TRAF3IP1: variants seen among roughly 807,000 people sequenced by gnomAD.
TRAF3IP1 encodes the protein intraflagellar transport 54.
A neutral mutation model predicts 89.9 loss-of-function variants in TRAF3IP1; 53 were observed. That is an observed-to-expected ratio of 0.59 (90% CI 0.47 to 0.74). The LOEUF is 0.74. Ranked by LOEUF, TRAF3IP1 falls within the 30% of genes least tolerant of loss-of-function variation. The probability of loss-of-function intolerance (pLI) is 0.00; values close to 1 mark genes in which losing one functional copy is unlikely to be tolerated. For missense variants in TRAF3IP1, 806 were observed against 866.1 expected (o/e 0.93, Z 0.87); for synonymous variants, 311 against 322.1 (o/e 0.97, Z 0.37).
At chr2:238,363,770 G>A (rs554346966) in intron 15 of TRAF3IP1, among the ~76,000 whole-genome samples, 1 of 152,256 alleles carries the variant, frequency 6.6e-6, no homozygotes, top group East Asian at 1.9e-4. Flanking sequence ...GACTAGCCTG[G>A]CCAACACAGT....
At chr2:238,397,203 C>T (rs768702960) in intron 15 of TRAF3IP1, among the ~76,000 whole-genome samples, 3 of 152,196 alleles carry the variant, frequency 2.0e-5, no homozygotes, top group Admixed American at 2.0e-4. Flanking sequence ...TAAAGACAGA[C>T]CCCCATCCCC....
At chr2:238,373,705 T>G (rs1235052935) in intron 15 of TRAF3IP1, among the ~76,000 whole-genome samples, 1 of 152,206 alleles carries the variant, frequency 6.6e-6, no homozygotes, top group East Asian at 1.9e-4. Flanking sequence ...TGGCATTGAA[T>G]CTATAAATTA....
chr2:238,338,312 C>T (rs1404673071), intron 7 of TRAF3IP1, 50 bp from the exon 8 acceptor site: 2 of 1,185,254 alleles, frequency 1.7e-6, no homozygotes, highest in Non-Finnish European at 2.4e-6. Context: ...AACAACCAAA[C>T]ACAAAATCTT....
chr2:238,336,313 C>T lies in TRAF3IP1; in HGVS notation c.1064-2049C>T, dbSNP rs1698388658. 1.3e-5 allele frequency among the ~76,000 whole-genome samples: 2 copies of T among 152,140 alleles called. 1 individual carries two copies. Among genetic ancestry groups the T allele is most frequent in the South Asian group, 4.1e-4 (2 of 4,828 alleles). On this transcript the variant is annotated intron_variant, in intron 7 of 16. Coordinates refer to ENST00000373327, the MANE Select transcript of TRAF3IP1 (RefSeq NM_015650.4). ...GAGCTTCCCTGAGCTATCAACAGCT[C>T]AGTGGACTCCTGTCTTCCCCTCCTG...
At chr2:238,354,591 C>G (rs1699318688) in intron 14 of TRAF3IP1, among the ~76,000 whole-genome samples, 1 of 152,088 alleles carries the variant, frequency 6.6e-6, no homozygotes, top group Non-Finnish European at 1.5e-5. Flanking sequence ...TGGTTTTTAA[C>G]AACAATAGGA....
chr2:238,362,302 G>GT (rs564003360), intron 15 of TRAF3IP1, among the ~76,000 whole-genome samples: 32 of 148,372 alleles, frequency 2.2e-4, no homozygotes, highest in Admixed American at 4.0e-4. Context: ...CCATTTTTCT[G>GT]TTTTTTCTTT....
intron 7 of TRAF3IP1, 152 bp from the exon 8 acceptor site, chr2:238,338,210 G>C (rs976433762): frequency 4.0e-6 from 2 of 499,318 alleles, no homozygotes; most frequent in Non-Finnish European, 7.2e-6. Context: ...CTAAGGAGGG[G>C]AATCATGTGG....
chr2:238,398,821 C>G lies in TRAF3IP1; in HGVS notation c.1978C>G (p.Gln660Glu). The stretch of plus-strand genomic sequence containing the variant: ...GGAGCTGGAGCAGCTGATCAAAGAC[C>G]AGCAAGACAAGATCTGTGCTGTGAA... ...LAELEQLIKDQQDKICAVKAN... is the reference protein window; with the variant it reads ...LAELEQLIKDEQDKICAVKAN... Residue 660 changes from glutamine to glutamate, a missense_variant, in exon 17 of 17, where the codon CAG becomes GAG. Transcript: ENST00000373327. 2 of 1,613,388 alleles carry G rather than the reference C, an allele frequency of 1.2e-6. No homozygotes were observed. The highest frequency in any genetic ancestry group is 2.2e-5 in the South Asian group (2 of 90,972).
At chr2:238,391,469 C>T (rs114971998) in intron 15 of TRAF3IP1, among the ~76,000 whole-genome samples, 5 of 152,198 alleles carry the variant, frequency 3.3e-5, no homozygotes, top group Admixed American at 6.5e-5. Context: ...CGGCTTGATG[C>T]GTTCACGCTG....
chr2:238,374,689 G>A (rs1415510267), intron 15 of TRAF3IP1, among the ~76,000 whole-genome samples: 1 of 152,210 alleles, frequency 6.6e-6, no homozygotes, highest in Non-Finnish European at 1.5e-5. Flanking sequence ...GATTGGAATA[G>A]TTTCAGAAGG....
intron 3 of TRAF3IP1, among the ~76,000 whole-genome samples, 159 bp from the exon 4 acceptor site, chr2:238,328,527 A>G (rs762398069): frequency 7.2e-5 from 11 of 152,212 alleles, no homozygotes; most frequent in Non-Finnish European, 1.3e-4. Flanking sequence ...TGTGCTTTGT[A>G]TGTGATAATA....
At chr2:238,352,747 C>T (rs1235667178) in intron 12 of TRAF3IP1, 80 bp from the exon 13 acceptor site, 1 of 1,406,380 alleles carries the variant, frequency 7.1e-7, no homozygotes, top group Non-Finnish European at 9.7e-7. Context: ...TTCCTCTCTG[C>T]CGACCTCTGA....
chr2:238,332,506 C>T (rs921500838), intron 5 of TRAF3IP1, among the ~76,000 whole-genome samples: 5 of 152,110 alleles, frequency 3.3e-5, no homozygotes, highest in South Asian at 2.1e-4. Flanking sequence ...GGTTTCATTG[C>T]GATATGTTTC....
At chr2:238,381,501 C>G (rs116624210) in intron 15 of TRAF3IP1, among the ~76,000 whole-genome samples, 10 of 152,268 alleles carry the variant, frequency 6.6e-5, no homozygotes, top group Admixed American at 5.9e-4. Flanking sequence ...GCAGGCTTGC[C>G]ACCACGCTGG....
chr2:238,393,624 T>G (rs920899446), intron 15 of TRAF3IP1, among the ~76,000 whole-genome samples: 1 of 152,252 alleles, frequency 6.6e-6, no homozygotes, highest in South Asian at 2.1e-4. Context: ...CTTAAAGTTT[T>G]ATAGATTATA....
chr2:238,388,092 A>G (rs1700846527), intron 15 of TRAF3IP1, among the ~76,000 whole-genome samples: 1 of 151,988 alleles, frequency 6.6e-6, no homozygotes, highest in African/African-American at 2.4e-5. Flanking sequence ...TCAAAAAATT[A>G]GTCGGGTCCG....
intron 15 of TRAF3IP1, 84 bp from the exon 16 acceptor site, chr2:238,397,375 A>G (rs1245295586): frequency 8.1e-7 from 1 of 1,234,466 alleles, no homozygotes; most frequent in Non-Finnish European, 1.2e-6. Flanking sequence ...TCCCAGCCCC[A>G]TGGCCGTGTG....
At chr2:238,393,003 C>T (rs1701061145) in intron 15 of TRAF3IP1, among the ~76,000 whole-genome samples, 1 of 152,228 alleles carries the variant, frequency 6.6e-6, no homozygotes, top group South Asian at 2.1e-4. Context: ...AAAGCATCCG[C>T]ATGCATTTGT....
chr2:238,335,766 TTTTATTTATTTATTTATTTATTTA>T (rs141038702), intron 7 of TRAF3IP1, among the ~76,000 whole-genome samples: 34 of 137,126 alleles, frequency 2.5e-4, no homozygotes, highest in Non-Finnish European at 3.9e-4. Flanking sequence ...TTTTATTTTA[TTTTATTTATTTATTTATTTATTTA>T]TTTATTTATT....
Sources: gnomAD v4.1 joint callset for allele counts (sites outside exome capture counted in the v4.1 genomes callset) on GRCh38, gnomAD v4.1.1 for gene constraint, MANE v1.5 for transcripts, NCBI Gene and HGNC (gene_info 2026-07-23, HGNC 2026-07-21) for gene names.